Variants in FBLN2 observed in about 807,000 individuals in gnomAD.
FBLN2 encodes fibulin-2.
FBLN2 carries 81 observed loss-of-function variants against 123.7 expected under a neutral mutation model. The observed-to-expected ratio is 0.65, with a 90% confidence interval of 0.55 to 0.79. The LOEUF is 0.79. Among genes scored for constraint, FBLN2 ranks in the 30% least tolerant of loss-of-function variants. FBLN2 has a pLI of 0.00. For synonymous variants in FBLN2, 699 were observed against 701.4 expected, an observed-to-expected ratio of 1.00 and a Z score of 0.05; for missense variants, 1,603 against 1,681.3, an observed-to-expected ratio of 0.95 and a Z score of 0.81.
At chr3:13,575,981 C>G (rs1446536654) in intron 2 of FBLN2, among the ~76,000 whole-genome samples, 1 of 152,188 alleles carries the variant, frequency 6.6e-6, no homozygotes, top group Non-Finnish European at 1.5e-5. Flanking sequence ...ATCACAGAAA[C>G]AAGAGCCGGG....
chr3:13,574,134 C>T (rs1479987794), intron 2 of FBLN2, among the ~76,000 whole-genome samples: 1 of 152,216 alleles, frequency 6.6e-6, no homozygotes, highest in Non-Finnish European at 1.5e-5. Flanking sequence ...GGGGCGTCTG[C>T]AGTGGACAGC....
At chr3:13,578,685 T>A (rs1704224649) in intron 2 of FBLN2, among the ~76,000 whole-genome samples, 1 of 152,216 alleles carries the variant, frequency 6.6e-6, no homozygotes, top group African/African-American at 2.4e-5. Flanking sequence ...ACACATGTTT[T>A]CATTCATCTT....
At chr3:13,637,464 G>A in intron 17 of FBLN2, 98 bp from the exon 18 acceptor site, 1 of 1,121,018 alleles carries the variant, frequency 8.9e-7, no homozygotes, top group Middle Eastern at 2.5e-4. Context: ...GGAGAGAGCT[G>A]GCCCTTGATC....
chr3:13,561,652 C>T (rs1703610219), intron 1 of FBLN2, among the ~76,000 whole-genome samples: 1 of 152,202 alleles, frequency 6.6e-6, no homozygotes. Flanking sequence ...CTCGTCTGAC[C>T]ATTCTTGCCA....
intron 2 of FBLN2, among the ~76,000 whole-genome samples, chr3:13,582,886 G>T (rs73148644): frequency 6.6e-6 from 1 of 152,254 alleles, no homozygotes; most frequent in Non-Finnish European, 1.5e-5. Context: ...AGATGTAGAT[G>T]TGTATCTTCT....
At chr3:13,594,175 G>A (rs1410854935) in intron 2 of FBLN2, among the ~76,000 whole-genome samples, 1 of 152,180 alleles carries the variant, frequency 6.6e-6, no homozygotes, top group African/African-American at 2.4e-5. Context: ...GACCCCAGTG[G>A]GTGGGTAGGA....
At chr3:13,582,705 C>T (rs557071804) in intron 2 of FBLN2, among the ~76,000 whole-genome samples, 8 of 152,334 alleles carry the variant, frequency 5.3e-5, no homozygotes, top group Middle Eastern at 3.4e-3. Context: ...TACAATGGGG[C>T]GGTCCTGTTA....
At chr3:13,565,033 G>A (rs546452992) in intron 1 of FBLN2, among the ~76,000 whole-genome samples, 1 of 152,308 alleles carries the variant, frequency 6.6e-6, no homozygotes, top group East Asian at 1.9e-4. Flanking sequence ...TGCCCCAGGT[G>A]CCTTGTGAGG....
intron 9 of FBLN2, among the ~76,000 whole-genome samples, chr3:13,623,662 G>C (rs893751907): frequency 6.6e-6 from 1 of 152,238 alleles, no homozygotes; most frequent in African/African-American, 2.4e-5. Context: ...CTAGGATCAA[G>C]AGTGTGGCCT....
At chr3:13,636,642 G>A (rs1706483022) in intron 17 of FBLN2, 74 bp downstream of exon 17, 1 of 1,529,594 alleles carries the variant, frequency 6.5e-7, no homozygotes, top group East Asian at 2.4e-5. Context: ...GAGGCTGAGA[G>A]ATGGGCGCCT....
At chr3:13,576,882 A>G (rs935431145) in intron 2 of FBLN2, among the ~76,000 whole-genome samples, 1 of 152,186 alleles carries the variant, frequency 6.6e-6, no homozygotes, top group African/African-American at 2.4e-5. Flanking sequence ...AAAACAGTAA[A>G]CAAGTCCATG....
chr3:13,632,806 T>C (rs1706301327), intron 16 of FBLN2, among the ~76,000 whole-genome samples: 1 of 152,124 alleles, frequency 6.6e-6, no homozygotes. Flanking sequence ...CTGGCTTACT[T>C]AGGTCTTGCT....
At chr3:13,557,571 G>C (rs1265713599) in intron 1 of FBLN2, among the ~76,000 whole-genome samples, 1 of 152,204 alleles carries the variant, frequency 6.6e-6, no homozygotes, top group Non-Finnish European at 1.5e-5. Flanking sequence ...GTGGTGGTCA[G>C]GTGCCCCAGC....
chr3:13,569,642 T>C (rs1010236405), intron 1 of FBLN2, among the ~76,000 whole-genome samples: 2 of 152,034 alleles, frequency 1.3e-5, no homozygotes, highest in African/African-American at 4.8e-5. Flanking sequence ...CCCCTGGGGC[T>C]AAGCCTGCAG....
Position 13,570,432 on chromosome 3 carries a change from C to T in FBLN2, c.77C>T (p.Ala26Val). Reference sequence around the variant, plus strand: ...CTGGCCCTGGGCCCCAGCGTGGCCGCAGCTGCCCCTCGGCAGGACTGCACG... The same window carrying T: ...CTGGCCCTGGGCCCCAGCGTGGCCGTAGCTGCCCCTCGGCAGGACTGCACG... ...LALALGPSVAAAAPRQDCTGV... is the reference protein window; with the variant it reads ...LALALGPSVAVAAPRQDCTGV... The change falls in exon 2 of 18, where the codon GCA becomes GTA. Residue 26 changes from alanine to valine, a missense_variant. Transcript: ENST00000404922. 6.4e-7 allele frequency: 1 copy of T among 1,573,600 alleles called. No homozygotes were observed. The highest frequency in any genetic ancestry group is 8.6e-7 in the Non-Finnish European group (1 of 1,160,936).
rs966476069 is a variant in FBLN2, at chr3:13,626,660, T to G, written c.2431+81T>G. On this transcript the variant is annotated intron_variant, in intron 10 of 17. Transcript: ENST00000404922. ...CCGCCCCTCCCTGGTCCCACCCCTG[T>G]CCTGCCCTGGCCACCCTTAGGCCTG... is the stretch of plus-strand genomic sequence containing the variant. The G allele has an allele frequency of 7.7e-6, 11 of 1,423,404 alleles. No homozygotes were observed. The East Asian group carries it at 2.8e-4, about 36-fold the overall frequency. 88.2% of individuals were successfully genotyped at this position (1,423,404 alleles called of 1,614,324 possible).
chr3:13,627,752 C>T (rs1402115619), intron 10 of FBLN2, 80 bp from the exon 11 acceptor site: 5 of 1,477,890 alleles, frequency 3.4e-6, no homozygotes, highest in East Asian at 2.5e-5. Context: ...GGTCTGAGGG[C>T]GGGGATGTGT....
At chr3:13,590,680 A>G (rs1354576178) in intron 2 of FBLN2, among the ~76,000 whole-genome samples, 6 of 152,190 alleles carry the variant, frequency 3.9e-5, no homozygotes, top group Admixed American at 3.3e-4. Context: ...ATACAGCGTG[A>G]TCTTGCTTGT....
intron 1 of FBLN2, among the ~76,000 whole-genome samples, chr3:13,567,254 T>G (rs1259155082): frequency 6.6e-6 from 1 of 152,210 alleles, no homozygotes; most frequent in Non-Finnish European, 1.5e-5. Flanking sequence ...GACAGCCCTG[T>G]GTCCTGTGGC....
Sources: allele counts gnomAD v4.1 joint callset (sites outside exome capture counted in the v4.1 genomes callset), GRCh38; gene constraint gnomAD v4.1.1; transcripts MANE v1.5; gene names NCBI Gene and HGNC (gene_info 2026-07-23, HGNC 2026-07-21).